Variants in SEMA3A observed in about 807,000 individuals in gnomAD.
SEMA3A encodes the protein semaphorin 3A, also known as semaphorin-3A.
Under a neutral mutation model 97.9 loss-of-function variants are expected in SEMA3A, and 29 were observed. That is an observed-to-expected ratio of 0.30 (90% confidence interval 0.22 to 0.40). SEMA3A has a LOEUF of 0.40. SEMA3A is among the 10% of genes least tolerant of loss of function. The pLI is 1.00. For missense variants in SEMA3A, 763 were observed against 951.3 expected (o/e 0.80, Z 2.60); for synonymous variants, 321 against 323.7 (o/e 0.99, Z 0.09).
intron 3 of SEMA3A, among the ~76,000 whole-genome samples, chr7:84,241,091 A>G (rs1799351574): frequency 6.6e-6 from 1 of 152,122 alleles, no homozygotes; most frequent in Non-Finnish European, 1.5e-5. Context: ...TTTATAGTAG[A>G]ATGATTTATA....
chr7:84,345,596 G>T lies in SEMA3A; in HGVS notation c.-169+26228C>A, dbSNP rs188677570. Among the ~76,000 whole-genome samples the T allele has an allele frequency of 9.4e-4, 143 of 152,262 alleles. 2 individuals carry two copies. The highest frequency in any genetic ancestry group is 2.8e-4 in the Non-Finnish European group (19 of 68,018). On this transcript the variant is annotated intron_variant, in intron 2 of 3. Transcript: ENST00000424555. The stretch of plus-strand genomic sequence containing the variant: ...TCATTTTTACAATGATCACAGCATT[G>T]TCACCAGGAGTAGATTTATACTCAA...
At chr7:84,059,222 T>C (rs1056761094) in intron 5 of SEMA3A, among the ~76,000 whole-genome samples, 5 of 152,160 alleles carry the variant, frequency 3.3e-5, no homozygotes, top group Admixed American at 6.5e-5. Flanking sequence ...ATTGTAAGTG[T>C]GCTAGGTATG....
chr7:84,407,836 GC>G (rs1804144127), intron 1 of SEMA3A, among the ~76,000 whole-genome samples: 2 of 152,148 alleles, frequency 1.3e-5, no homozygotes, highest in Admixed American at 1.3e-4. Flanking sequence ...AAACTGGTTA[GC>G]CATATGTAGA....
chr7:84,408,076 C>T (rs1385294109), intron 1 of SEMA3A, among the ~76,000 whole-genome samples: 5 of 152,056 alleles, frequency 3.3e-5, no homozygotes, highest in Non-Finnish European at 7.4e-5. Context: ...TTCTGCACAG[C>T]AAAGAAAACC....
intron 4 of SEMA3A, among the ~76,000 whole-genome samples, chr7:84,063,495 A>C (rs1793342319): frequency 6.6e-6 from 1 of 150,920 alleles, no homozygotes. Flanking sequence ...CATTCAAACC[A>C]AAGGCAAAGA....
intron 1 of SEMA3A, among the ~76,000 whole-genome samples, chr7:84,443,275 AG>A (rs1409681933): frequency 6.6e-6 from 1 of 152,312 alleles, no homozygotes; most frequent in Admixed American, 6.5e-5. Flanking sequence ...ACAAAGTACA[AG>A]GGAACTTCAA....
intron 4 of SEMA3A, among the ~76,000 whole-genome samples, chr7:84,073,134 T>C (rs1793804432): frequency 6.6e-6 from 1 of 152,160 alleles, no homozygotes. Context: ...CATAACACAC[T>C]AAAATACTAG....
At chr7:84,005,671 G>T in intron 10 of SEMA3A, 113 bp from the exon 11 acceptor site, 1 of 720,290 alleles carries the variant, frequency 1.4e-6, no homozygotes, top group Non-Finnish European at 2.2e-6. Context: ...GTGCAGGCCA[G>T]GTATGGTAGC....
intron 1 of SEMA3A, among the ~76,000 whole-genome samples, chr7:84,171,424 C>T (rs551425245): frequency 6.6e-6 from 1 of 152,188 alleles, no homozygotes; most frequent in Admixed American, 6.5e-5. Context: ...ATAGGTGAAG[C>T]TTCTGTATAT....
chr7:84,283,243 C>A (rs1800493750), intron 3 of SEMA3A, among the ~76,000 whole-genome samples: 2 of 151,996 alleles, frequency 1.3e-5, no homozygotes, highest in South Asian at 4.1e-4. Context: ...AAGCAGTATA[C>A]CGATGAACAC....
chr7:84,256,434 C>T (rs953525056), intron 3 of SEMA3A, among the ~76,000 whole-genome samples: 4 of 151,834 alleles, frequency 2.6e-5, no homozygotes, highest in Admixed American at 6.6e-5. Context: ...GCCATTATTT[C>T]AATCATTATT....
intron 6 of SEMA3A, among the ~76,000 whole-genome samples, chr7:84,016,262 G>T (rs188561881): frequency 6.6e-6 from 1 of 152,162 alleles, no homozygotes; most frequent in Non-Finnish European, 1.5e-5. Context: ...AAACCTGGCC[G>T]GGCACGGTGG....
intron 2 of SEMA3A, among the ~76,000 whole-genome samples, chr7:84,320,709 A>G (rs1368021380): frequency 6.6e-6 from 1 of 152,190 alleles, no homozygotes; most frequent in South Asian, 2.1e-4. Flanking sequence ...TAAACTATGT[A>G]CAATTGTTGA....
intron 6 of SEMA3A, among the ~76,000 whole-genome samples, chr7:84,040,878 T>C (rs1475763128): frequency 2.0e-5 from 3 of 152,114 alleles, no homozygotes; most frequent in Non-Finnish European, 2.9e-5. Flanking sequence ...TATTGTCTCA[T>C]TTTTTGATCA....
At chr7:84,062,473 G>A (rs1238673977) in intron 4 of SEMA3A, among the ~76,000 whole-genome samples, 1 of 152,218 alleles carries the variant, frequency 6.6e-6, no homozygotes, top group Non-Finnish European at 1.5e-5. Context: ...GAGCGACGCA[G>A]AAGATGGTGA....
chr7:84,173,139 T>C (rs1797444879), intron 1 of SEMA3A, among the ~76,000 whole-genome samples: 1 of 152,174 alleles, frequency 6.6e-6, no homozygotes, highest in South Asian at 2.1e-4. Context: ...ATTTAATATT[T>C]TACTTATTAT....
intron 3 of SEMA3A, among the ~76,000 whole-genome samples, chr7:84,200,552 A>G (rs1798329178): frequency 6.6e-6 from 1 of 152,228 alleles, no homozygotes; most frequent in African/African-American, 2.4e-5. Context: ...ATGTAGCTAA[A>G]ATACGGTTAT....
At chr7:84,348,664 G>C (rs1024857530) in intron 2 of SEMA3A, among the ~76,000 whole-genome samples, 2 of 152,142 alleles carry the variant, frequency 1.3e-5, no homozygotes, top group Non-Finnish European at 2.9e-5. Flanking sequence ...AGACTGGCAT[G>C]AAAGAATCGC....
At chr7:83,965,979 A>T (rs1788680409) in intron 15 of SEMA3A, among the ~76,000 whole-genome samples, 1 of 151,592 alleles carries the variant, frequency 6.6e-6, no homozygotes, top group South Asian at 2.1e-4. Flanking sequence ...GCGCCCAGCC[A>T]CCAATGGGTG....
Sources: gnomAD v4.1 joint callset for allele counts (sites outside exome capture counted in the v4.1 genomes callset) on GRCh38, gnomAD v4.1.1 for gene constraint, MANE v1.5 for transcripts, NCBI Gene and HGNC (gene_info 2026-07-23, HGNC 2026-07-21) for gene names.